Variants in FEM1C observed in about 807,000 individuals in gnomAD.
FEM1C encodes the protein protein fem-1 homolog C.
A neutral mutation model predicts 37.6 loss-of-function variants in FEM1C; 15 were observed. The observed-to-expected ratio is 0.40, with a 90% CI of 0.27 to 0.61. The LOEUF is 0.61. Ranked by LOEUF, FEM1C falls within the 20% of genes least tolerant of loss-of-function variation. The pLI is 0.42. For synonymous variants in FEM1C, 287 were observed against 272.8 expected (o/e 1.05, Z -0.51); for missense variants, 532 against 749.7 (o/e 0.71, Z 3.39).
intron 2 of FEM1C, among the ~76,000 whole-genome samples, chr5:115,538,619 C>A (rs1222147105): frequency 6.6e-6 from 1 of 151,490 alleles, no homozygotes; most frequent in African/African-American, 2.4e-5. Context: ...TGAAAACAAA[C>A]AAGCAAACAA....
At chr5:115,530,266 G>A (rs1399821836) in intron 2 of FEM1C, among the ~76,000 whole-genome samples, 1 of 151,838 alleles carries the variant, frequency 6.6e-6, no homozygotes, top group African/African-American at 2.4e-5. Context: ...TATGAAAGTA[G>A]ACTTTAATGC....
At chr5:115,528,333 C>G (rs556529201) in intron 2 of FEM1C, among the ~76,000 whole-genome samples, 2 of 152,264 alleles carry the variant, frequency 1.3e-5, no homozygotes, top group Admixed American at 6.5e-5. Flanking sequence ...AGCTTTCCCA[C>G]AGTGGCCTCC....
intron 2 of FEM1C, 110 bp downstream of exon 2, chr5:115,542,835 TAATCA>T: frequency 8.0e-7 from 1 of 1,254,082 alleles, no homozygotes. Flanking sequence ...AAGACTTACC[TAATCA>T]AAACAGGTCT....
Position 115,525,055 on chromosome 5 carries a change from C to T in FEM1C, c.1107G>A (p.Gln369=). 1 of 1,613,762 alleles carries T rather than the reference C, an allele frequency of 6.2e-7. No homozygotes were observed. Among genetic ancestry groups the T allele is most frequent in the Non-Finnish European group, 8.5e-7 (1 of 1,179,820 alleles). The change falls in exon 3 of 3, where the codon CAG becomes CAA. Residue 369 remains glutamine, a synonymous_variant. Coordinates refer to ENST00000274457, the MANE Select transcript of FEM1C (RefSeq NM_020177.3). ...TTGGGCTTAAAGGATCCAAATTGCT[C>T]TGCTGCATATCCAAAGCATACTTCC... is the stretch of plus-strand genomic sequence containing the variant. The part of the protein sequence containing the change: ...NLWKYALDMQ[Q]SNLDPLSPMT...
intron 2 of FEM1C, among the ~76,000 whole-genome samples, chr5:115,533,812 T>C (rs1041843072): frequency 6.6e-6 from 1 of 151,708 alleles, no homozygotes; most frequent in Non-Finnish European, 1.5e-5. Context: ...CAATGAAATT[T>C]AATGAATTTA....
At chr5:115,528,487 C>T (rs1055091315) in intron 2 of FEM1C, among the ~76,000 whole-genome samples, 2 of 152,060 alleles carry the variant, frequency 1.3e-5, no homozygotes, top group African/African-American at 4.8e-5. Flanking sequence ...CCAACTTTAA[C>T]CCTAGGGAGT....
chr5:115,539,336 C>A (rs1321545597), intron 2 of FEM1C, among the ~76,000 whole-genome samples: 2 of 151,960 alleles, frequency 1.3e-5, no homozygotes, highest in African/African-American at 4.8e-5. Context: ...CAAACAAAAA[C>A]AACCCCAAAA....
At chr5:115,529,056 G>T (rs1753964664) in intron 2 of FEM1C, among the ~76,000 whole-genome samples, 1 of 151,932 alleles carries the variant, frequency 6.6e-6, no homozygotes, top group South Asian at 2.1e-4. Context: ...GAGAAAGAGG[G>T]AACAACGTCA....
In FEM1C at chr5:115,543,633, G is replaced by A; in HGVS notation, c.-140C>T. On this transcript the variant is annotated 5_prime_UTR_variant, in exon 2 of 3. Transcript: ENST00000274457. The stretch of plus-strand genomic sequence containing the variant: ...CCCAGAACGGATACACAACCACGAA[G>A]AGTATGTTCCGTCCTACTGCTTTCC... The A allele has an allele frequency of 1.4e-6, 2 of 1,437,162 alleles. No individual in the cohort carries two copies. The highest frequency in any genetic ancestry group is 1.8e-6 in the Non-Finnish European group (2 of 1,101,482). The allele number at this position is 1,437,162 out of a possible 1,614,324, so 89.0% of individuals were successfully genotyped here.
chr5:115,529,253 C>A (rs986731830), intron 2 of FEM1C, among the ~76,000 whole-genome samples: 8 of 152,040 alleles, frequency 5.3e-5, no homozygotes, highest in Non-Finnish European at 5.9e-5. Flanking sequence ...TACAACACAG[C>A]AAACTGCTGA....
chr5:115,533,942 T>TA (rs996806297), intron 2 of FEM1C, among the ~76,000 whole-genome samples: 101 of 146,724 alleles, frequency 6.9e-4, no homozygotes, highest in African/African-American at 7.9e-4. Flanking sequence ...ACTGAATTCA[T>TA]AAAAAAAAAA....
chr5:115,521,529 G>A lies in FEM1C; in HGVS notation c.*2779C>T, dbSNP rs1753774785. ...ATAATCCATTTGTCTTTATAAAGTA[G>A]ACTGGCATCTAAGTAAAATGACCAT... On this transcript the variant is annotated 3_prime_UTR_variant, in exon 3 of 3. Coordinates refer to ENST00000274457, the MANE Select transcript of FEM1C (RefSeq NM_020177.3). The A allele has an allele frequency of 6.6e-6, 1 of 151,840 alleles. No homozygotes were observed. Among genetic ancestry groups the A allele is most frequent in the South Asian group, 2.1e-4 (1 of 4,822 alleles). 9.4% of individuals were successfully genotyped at this position (151,840 alleles called of 1,614,324 possible).
At chr5:115,529,606 A>C (rs1053428677) in intron 2 of FEM1C, among the ~76,000 whole-genome samples, 1 of 152,110 alleles carries the variant, frequency 6.6e-6, no homozygotes, top group Admixed American at 6.5e-5. Context: ...AACATCAACA[A>C]AAAGGGTAAA....
chr5:115,540,347 T>G (rs1482420108), intron 2 of FEM1C, among the ~76,000 whole-genome samples: 1 of 152,022 alleles, frequency 6.6e-6, no homozygotes, highest in East Asian at 1.9e-4. Context: ...CATGAAAAGG[T>G]AAAAATTCTG....
At chr5:115,526,385 G>C (rs190337620) in intron 2 of FEM1C, among the ~76,000 whole-genome samples, 1 of 152,182 alleles carries the variant, frequency 6.6e-6, no homozygotes, top group East Asian at 1.9e-4. Flanking sequence ...GGAGATATCT[G>C]AAGTGTCCTT....
Position 115,521,279 on chromosome 5 carries a change from T to A in FEM1C, c.*3029A>T. 6.6e-6 allele frequency: 1 copy of A among 151,688 alleles called. No homozygotes were observed. The highest frequency in any genetic ancestry group is 1.9e-4 in the East Asian group (1 of 5,182). 9.4% of individuals were successfully genotyped at this position (151,688 alleles called of 1,614,324 possible). A position where few individuals can be genotyped will look rare whatever the true frequency, so the allele number is the denominator to read the frequency against. On this transcript the variant is annotated 3_prime_UTR_variant, in exon 3 of 3. Transcript: ENST00000274457. ...AATTATCATACCTGTAAATTCAGCCTAAGGTTTCTGTTGGGCAATATGATT... is the reference window on the plus strand; with the variant it reads ...AATTATCATACCTGTAAATTCAGCCAAAGGTTTCTGTTGGGCAATATGATT...
chr5:115,532,362 A>T (rs1265121528), intron 2 of FEM1C, among the ~76,000 whole-genome samples: 1 of 152,128 alleles, frequency 6.6e-6, no homozygotes, highest in African/African-American at 2.4e-5. Flanking sequence ...AAAGTAATTC[A>T]ATCTTAGCTT....
chr5:115,525,127 G>A lies in FEM1C; in HGVS notation c.1035C>T (p.Gly345=), dbSNP rs182514893. Residue 345 remains glycine, a synonymous_variant, in exon 3 of 3, where the codon GGC becomes GGT. Transcript: ENST00000274457. ...AATTTCCAGAGTCTGCATAGACAGC[G>A]CCTCTATATCTAATATAGTAAGAGG... ...PDTSYYIRYR[G]AVYADSGNFK... The A allele has an allele frequency of 4.0e-5, 65 of 1,613,742 alleles. No homozygotes were observed. The highest frequency in any genetic ancestry group is 3.8e-4 in the Admixed American group (23 of 59,958).
chr5:115,543,747 A>C, intron 1 of FEM1C, 64 bp from the exon 2 acceptor site: 1 of 1,286,746 alleles, frequency 7.8e-7, no homozygotes, highest in Non-Finnish European at 9.8e-7. Flanking sequence ...AACACTTCTT[A>C]ATTTCCACTT....
Sources: gnomAD v4.1 joint callset for allele counts (sites outside exome capture counted in the v4.1 genomes callset) on GRCh38, gnomAD v4.1.1 for gene constraint, MANE v1.5 for transcripts, NCBI Gene and HGNC (gene_info 2026-07-23, HGNC 2026-07-21) for gene names.